Variants in GRIP1 observed in about 807,000 individuals in gnomAD.
GRIP1 encodes glutamate receptor-interacting protein 1.
In GRIP1, 45 loss-of-function variants were observed where a neutral mutation model predicts 129.9. That is an observed-to-expected ratio of 0.35 (90% CI 0.27 to 0.44). The LOEUF (loss-of-function observed/expected upper bound fraction) is 0.44. GRIP1 is among the 20% of genes least tolerant of loss of function. The pLI is 1.00. For missense variants in GRIP1, 1,196 were observed against 1,396.8 expected (o/e 0.86, Z 2.29); for synonymous variants, 530 against 520.8 (o/e 1.02, Z -0.24).
rs186076497 is a variant in GRIP1, at chr12:66,527,420, G to A, written c.502+2411C>T. Among the ~76,000 whole-genome samples, 327 of 151,942 alleles carry A rather than the reference G, an allele frequency of 2.2e-3. 9 individuals carry two copies. The highest frequency in any genetic ancestry group is 0.018 in the Admixed American group (278 of 15,256). ...AAACCATCATTCTCAGCAAACTATCGCAAGGACAAAAAACCAAACACTGCA... is the reference window on the plus strand; with the variant it reads ...AAACCATCATTCTCAGCAAACTATCACAAGGACAAAAAACCAAACACTGCA... On this transcript the variant is annotated intron_variant, in intron 5 of 24. Transcript: ENST00000359742.
chr12:66,761,039 C>G (rs2037458502), intron 1 of GRIP1, among the ~76,000 whole-genome samples: 1 of 152,086 alleles, frequency 6.6e-6, no homozygotes, highest in Admixed American at 6.6e-5. Context: ...TGCCTCTCAA[C>G]TGACTTCGCA....
chr12:66,415,860 G>A (rs1292943093), intron 15 of GRIP1, among the ~76,000 whole-genome samples: 1 of 152,094 alleles, frequency 6.6e-6, no homozygotes, highest in African/African-American at 2.4e-5. Flanking sequence ...ATAAGTGGGA[G>A]CTGAACGATG....
At chr12:66,990,591 G>A (rs4913312) in intron 1 of GRIP1, among the ~76,000 whole-genome samples, 44,231 of 152,132 alleles carry the variant, frequency 0.29, 7,720 homozygotes, top group Non-Finnish European at 0.38. Flanking sequence ...AACAACCTGA[G>A]GAAGGCAATT....
At position 66,591,079 on chromosome 12, in the gene GRIP1, A is replaced by G. The variant is rs1592611972; in HGVS notation, c.136+5768T>C. On this transcript the variant is annotated intron_variant, in intron 2 of 24. Transcript: ENST00000359742. Reference sequence around the variant, plus strand: ...ATAACAGGTGAACAAGATATAGAGGACCTGCCCTCCTGTAGCTTACATTTT... The same window carrying G: ...ATAACAGGTGAACAAGATATAGAGGGCCTGCCCTCCTGTAGCTTACATTTT... Among the ~76,000 whole-genome samples the G allele has an allele frequency of 3.9e-5, 6 of 152,312 alleles. No individual in the cohort carries two copies. The South Asian group carries it at 1.2e-3, about 32-fold the overall frequency.
At chr12:66,635,208 A>G (rs556652418) in intron 1 of GRIP1, among the ~76,000 whole-genome samples, 64 of 152,092 alleles carry the variant, frequency 4.2e-4, no homozygotes, top group Non-Finnish European at 6.0e-4. Context: ...GGTTGAGGTC[A>G]GGGGTTCAAG....
chr12:66,974,141 C>T (rs2042118556), intron 1 of GRIP1, among the ~76,000 whole-genome samples: 1 of 151,930 alleles, frequency 6.6e-6, no homozygotes, highest in Admixed American at 6.6e-5. Flanking sequence ...CCAGGCTGGT[C>T]TTGAACTCCT....
intron 1 of GRIP1, among the ~76,000 whole-genome samples, chr12:66,663,346 C>T (rs1310698661): frequency 6.6e-6 from 1 of 152,132 alleles, no homozygotes; most frequent in Non-Finnish European, 1.5e-5. Flanking sequence ...GAGAATTTAA[C>T]TTGCCAGGCT....
In GRIP1 at chr12:66,671,188, T is replaced by C. The variant is rs983427882; in HGVS notation, c.55+7662A>G. 3.9e-5 allele frequency among the ~76,000 whole-genome samples: 6 copies of C among 152,190 alleles called. No individual in the cohort carries two copies. The East Asian group carries it at 7.7e-4, about 20-fold the overall frequency. ...CCCCTGAATTGGGTGCTCATAAAAA[T>C]AGGAGATTTTAGACTCATCTTCTGA... On this transcript the variant is annotated intron_variant, in intron 1 of 24. Transcript: ENST00000359742.
At chr12:66,536,071 TGA>T (rs2061596293) in intron 4 of GRIP1, among the ~76,000 whole-genome samples, 1 of 152,184 alleles carries the variant, frequency 6.6e-6, no homozygotes, top group Non-Finnish European at 1.5e-5. Context: ...GGGTTAACTT[TGA>T]CTCCTCTTTT....
intron 1 of GRIP1, among the ~76,000 whole-genome samples, chr12:67,059,263 C>G (rs542048369): frequency 1.3e-5 from 2 of 152,290 alleles, no homozygotes; most frequent in South Asian, 2.1e-4. Flanking sequence ...GAAAAGGCCT[C>G]GGTAGAAGGT....
chr12:66,399,516 T>C (rs2137586428), intron 16 of GRIP1, among the ~76,000 whole-genome samples: 1 of 151,968 alleles, frequency 6.6e-6, no homozygotes, highest in East Asian at 1.9e-4. Context: ...AATGATATTA[T>C]AAACAACTTT....
At chr12:66,921,209 C>T (rs2041207201) in intron 1 of GRIP1, among the ~76,000 whole-genome samples, 3 of 152,156 alleles carry the variant, frequency 2.0e-5, no homozygotes, top group African/African-American at 2.4e-5. Flanking sequence ...TGATAGCCTC[C>T]GACCTAATAT....
chr12:66,526,124 A>G (rs1191033310), intron 5 of GRIP1, among the ~76,000 whole-genome samples: 2 of 152,004 alleles, frequency 1.3e-5, no homozygotes, highest in Non-Finnish European at 2.9e-5. Context: ...TATAGATTCA[A>G]TGCCATCCCC....
chr12:66,510,317 G>T (rs553893594), intron 7 of GRIP1, among the ~76,000 whole-genome samples: 110 of 152,188 alleles, frequency 7.2e-4, no homozygotes, highest in African/African-American at 2.2e-3. Context: ...CGCATTCCTG[G>T]TTAACTACTG....
At chr12:66,479,235 A>T (rs2059725936) in intron 7 of GRIP1, among the ~76,000 whole-genome samples, 2 of 151,960 alleles carry the variant, frequency 1.3e-5, no homozygotes, top group South Asian at 2.1e-4. Context: ...GATAAAGGGG[A>T]TATCACCACT....
At chr12:66,920,832 T>C (rs749198864) in intron 1 of GRIP1, among the ~76,000 whole-genome samples, 3 of 152,224 alleles carry the variant, frequency 2.0e-5, no homozygotes, top group Non-Finnish European at 4.4e-5. Flanking sequence ...ACCTCCCTAA[T>C]ACCTCAATCC....
chr12:66,378,543 T>G (rs2055928980), intron 20 of GRIP1, among the ~76,000 whole-genome samples: 1 of 151,978 alleles, frequency 6.6e-6, no homozygotes, highest in African/African-American at 2.4e-5. Context: ...GGTCAGGAGT[T>G]CGAGACCGGC....
intron 9 of GRIP1, among the ~76,000 whole-genome samples, chr12:66,461,458 C>A (rs2138305437): frequency 6.6e-6 from 1 of 152,292 alleles, no homozygotes; most frequent in Middle Eastern, 3.4e-3. Flanking sequence ...GCAGGAAGGG[C>A]CCACGGGGCC....
At chr12:66,582,908 T>G (rs2063457137) in intron 2 of GRIP1, among the ~76,000 whole-genome samples, 1 of 148,390 alleles carries the variant, frequency 6.7e-6, no homozygotes, top group Non-Finnish European at 1.5e-5. Flanking sequence ...AAAAACTACT[T>G]TAAAGTTCAT....
Sources: gnomAD v4.1 joint callset for allele counts (sites outside exome capture counted in the v4.1 genomes callset) on GRCh38, gnomAD v4.1.1 for gene constraint, MANE v1.5 for transcripts, NCBI Gene and HGNC (gene_info 2026-07-23, HGNC 2026-07-21) for gene names.